The following TTN variants were observed in gnomAD, a reference collection of about 807,000 sequenced individuals.
TTN encodes the protein connectin.
Under a neutral mutation model 3,223.0 loss-of-function variants are expected in TTN, and 1,525 were observed. That is an observed-to-expected ratio of 0.47 (90% CI 0.45 to 0.49). TTN has a LOEUF of 0.49. Among genes scored for constraint, TTN ranks in the 20% least tolerant of loss-of-function variants. The pLI, the probability that TTN is intolerant of heterozygous loss-of-function variation, is 0.00. For missense variants in TTN, 40,786 were observed against 43,424.0 expected (o/e 0.94, Z 5.40); for synonymous variants, 14,094 against 15,161.0 (o/e 0.93, Z 5.17).
chr2:178,783,096 C>A (rs60305852), intron 17 of TTN, 32 bp from the exon 18 acceptor site: 1 of 1,606,548 alleles, frequency 6.2e-7, no homozygotes, highest in South Asian at 1.1e-5. Context: ...AATAATGATA[C>A]GTGTGCATAT....
intron 43 of TTN, among the ~76,000 whole-genome samples, chr2:178,760,460 G>T (rs2088783493): frequency 6.6e-6 from 1 of 152,256 alleles, no homozygotes; most frequent in South Asian, 2.1e-4. Context: ...AACCCGGGAG[G>T]GGGAGGTTGC....
Position 178,542,853 on chromosome 2 carries a change from G to C in TTN, c.97001C>G (p.Pro32334Arg), listed in dbSNP as rs748395939. 7 of 1,613,816 alleles carry C rather than the reference G, an allele frequency of 4.3e-6. No homozygotes were observed. The highest frequency in any genetic ancestry group is 5.9e-6 in the Non-Finnish European group (7 of 1,179,784). ...VELVIPIAGR[P>R]PPAASWFFAG... ...AAAGAACCAGGAAGCAGCAGGAGGT[G>C]GACGGCCAGCAATAGGTATCACCAG... is the stretch of plus-strand genomic sequence containing the variant. Residue 32334 changes from proline (P) to arginine (R), a missense_variant, in exon 348 of 363, where the codon CCA becomes CGA. By Grantham distance (103) the Pro-to-Arg change is moderately radical. Transcript: ENST00000589042.
intron 287 of TTN, 42 bp from the exon 288 acceptor site, chr2:178,601,213 T>A (rs1009176972): frequency 1.3e-6 from 2 of 1,519,022 alleles, no homozygotes; most frequent in African/African-American, 2.8e-5. Context: ...TTGTTTATAA[T>A]AATATACTTC....
intron 44 of TTN, chr2:178,758,689 C>T (rs569911414): frequency 6.1e-5 from 25 of 411,932 alleles, no homozygotes; most frequent in African/African-American, 2.6e-4. Context: ...CAGCATATTT[C>T]GCCCCCTTCT....
Position 178,569,083 on chromosome 2 carries a change from A to C in TTN, c.77049T>G (p.Ile25683Met), listed in dbSNP as rs755225678. 2.5e-6 allele frequency: 4 copies of C among 1,613,318 alleles called. No individual in the cohort carries two copies. Among genetic ancestry groups the C allele is most frequent in the Non-Finnish European group, 3.4e-6 (4 of 1,179,568 alleles). The change falls in exon 326 of 363, where the codon ATT becomes ATG. Residue 25683 changes from isoleucine (I) to methionine (M), a missense_variant. Coordinates refer to ENST00000589042, the MANE Select transcript of TTN (RefSeq NM_001267550.2). ...GATCAGCAGTCTGGGCAGGAAGGCC[A>C]ATACCATACTCATTCTCAGCTGTGA... The part of the protein sequence containing the change: ...FRVTAENEYG[I>M]GLPAQTADPI...
chr2:178,761,342 T>G (rs1400716209), intron 43 of TTN, among the ~76,000 whole-genome samples: 2 of 152,126 alleles, frequency 1.3e-5, no homozygotes, highest in African/African-American at 4.8e-5. Flanking sequence ...AATCCTGCAG[T>G]GTCTCCTAAA....
chr2:178,587,234 T>A lies in TTN; in HGVS notation c.63977A>T (p.His21326Leu). ...VTPEVKKTSF[H>L]VTNLVPGNEY... ...ATTCCCAGGGACAAGATTGGTTACATGGAAGCTTGTTTTCTTAACTTCTGG... is the reference window on the plus strand; with the variant it reads ...ATTCCCAGGGACAAGATTGGTTACAAGGAAGCTTGTTTTCTTAACTTCTGG... Residue 21326 changes from histidine to leucine, a missense_variant, in exon 307 of 363, where the codon CAT (histidine) becomes CTT (leucine). Coordinates refer to ENST00000589042, the MANE Select transcript of TTN (RefSeq NM_001267550.2). 1 of 1,613,224 alleles carries A rather than the reference T, an allele frequency of 6.2e-7. No homozygotes were observed. The highest frequency in any genetic ancestry group is 8.5e-7 in the Non-Finnish European group (1 of 1,179,454).
At position 178,794,843 on chromosome 2, in the gene TTN, A is replaced by T. The variant is rs1574925701; in HGVS notation, c.1245+79T>A. On this transcript the variant is annotated intron_variant, in intron 7 of 362. Transcript: ENST00000589042. ...TATGCATTTTTCCTCCAATTTATAC[A>T]GACTGAGTTTCATGGCAGAAATCCA... 3.9e-6 allele frequency: 6 copies of T among 1,555,336 alleles called. No homozygotes were observed. In the East Asian group the frequency reaches 1.3e-4, roughly 35 times the overall value.
intron 239 of TTN, among the ~76,000 whole-genome samples, chr2:178,629,889 G>C (rs561167737): frequency 6.6e-6 from 1 of 152,186 alleles, no homozygotes; most frequent in Admixed American, 6.5e-5. Flanking sequence ...ACACAGCAAA[G>C]CTTGTCTTTC....
In TTN at chr2:178,664,483, C is replaced by T. The variant is rs1466484295; in HGVS notation, c.36257G>A (p.Arg12086Lys). The change falls in exon 168 of 363, where the codon AGG (arginine) becomes AAG (lysine). Residue 12086 changes from arginine (R) to lysine (K), a missense_variant. Transcript: ENST00000589042. The stretch of plus-strand genomic sequence containing the variant: ...ACCTTTGACAGGTACAACTTCAGCC[C>T]TTTGGGGAGGATGCACTTTCTTTTC... Reference protein sequence around the residue: ...VPEKKVHPPQRAEVVPVKVHE... With the variant: ...VPEKKVHPPQKAEVVPVKVHE... 2 of 1,612,170 alleles carry T rather than the reference C, an allele frequency of 1.2e-6. No individual in the cohort carries two copies. The highest frequency in any genetic ancestry group is 1.7e-6 in the Non-Finnish European group (2 of 1,179,484).
At chr2:178,601,601 T>C (rs750323157) in intron 286 of TTN, 37 bp from the exon 287 acceptor site, 10 of 1,586,502 alleles carry the variant, frequency 6.3e-6, no homozygotes, top group Non-Finnish European at 2.6e-6. Flanking sequence ...CAACGTTCCT[T>C]AAATGCTTAA....
Position 178,568,178 on chromosome 2 carries a change from T to G in TTN, c.77954A>C (p.Gln25985Pro), listed in dbSNP as rs552211406. 19 of 1,613,514 alleles carry G rather than the reference T, an allele frequency of 1.2e-5. No homozygotes were observed. The South Asian group carries it at 1.6e-4, about 14-fold the overall frequency. ...AGGGCCTGGTTCTTTGTAGGGATATTGAGCTACAATTGGATCAGACTCTAA... is the reference window on the plus strand; with the variant it reads ...AGGGCCTGGTTCTTTGTAGGGATATGGAGCTACAATTGGATCAGACTCTAA... ...FALESDPIVA[Q>P]YPYKEPGPPG... Residue 25985 changes from glutamine to proline, a missense_variant, in exon 326 of 363, where the codon CAA (glutamine) becomes CCA (proline). Physicochemically the swap from Gln to Pro is moderately conservative, Grantham distance 76 (BLOSUM62 -1). Transcript: ENST00000589042.
In TTN at chr2:178,560,116, C is replaced by T. The variant is rs1553562022; in HGVS notation, c.86016G>A (p.Trp28672Ter). ...DSGKTTITIA[W>*]VKPLFDGGAP... ...CCCCACCATCAAACAGCGGCTTAAC[C>T]CAGGCAATAGTTATAGTTGTCTTGC... Residue 28672 changes from tryptophan to a stop codon, truncating the protein, a stop_gained, in exon 326 of 363, where the codon TGG (tryptophan) becomes TGA (stop). Transcript: ENST00000589042. LOFTEE classifies it high-confidence loss of function. 1.2e-6 allele frequency: 2 copies of T among 1,613,612 alleles called. No homozygotes were observed. The highest frequency in any genetic ancestry group is 1.7e-6 in the Non-Finnish European group (2 of 1,179,756).
At position 178,728,101 on chromosome 2, in the gene TTN, A is replaced by G; in HGVS notation, c.19714+9T>C. On this transcript the variant is annotated intron_variant, in intron 67 of 362. Transcript: ENST00000589042. The stretch of plus-strand genomic sequence containing the variant: ...AGGAAGAATCAAGAAGAGGTAAAGA[A>G]ATTCTAACCTTTCACAGTTAAGATG... The G allele has an allele frequency of 1.3e-6, 2 of 1,543,804 alleles. No homozygotes were observed. Among genetic ancestry groups the G allele is most frequent in the Non-Finnish European group, 1.7e-6 (2 of 1,147,616 alleles).
intron 69 of TTN, 52 bp from the exon 70 acceptor site, chr2:178,726,098 G>A: frequency 6.7e-7 from 1 of 1,485,130 alleles, no homozygotes; most frequent in South Asian, 1.5e-5. Flanking sequence ...TTCACAAAAT[G>A]AAAATTTTTT....
chr2:178,765,220 T>C (rs2090157162), intron 41 of TTN, among the ~76,000 whole-genome samples: 3 of 152,186 alleles, frequency 2.0e-5, no homozygotes, highest in East Asian at 1.9e-4. Flanking sequence ...TCCAGTTTGT[T>C]TGTTTTGCAA....
Position 178,674,352 on chromosome 2 carries a change from G to A in TTN, c.34670C>T (p.Pro11557Leu), listed in dbSNP as rs887706962. ...ISEEEIPEEP[P>L]SIEEVEEVAP... The stretch of plus-strand genomic sequence containing the variant: ...CACCTCTTCAACTTCCTCTATGCTA[G>A]GTGGTTCTTCTGGGATTTCTTCTTC... Residue 11557 changes from proline to leucine, a missense_variant, in exon 151 of 363, where the codon CCT (proline) becomes CTT (leucine). Physicochemically the swap from Pro to Leu is moderately conservative, Grantham distance 98. Transcript: ENST00000589042. 10 of 1,599,078 alleles carry A rather than the reference G, an allele frequency of 6.3e-6. No individual in the cohort carries two copies. The Admixed American group carries it at 1.4e-4, about 22-fold the overall frequency.
In TTN at chr2:178,692,057, G is replaced by A. The variant is rs767088271; in HGVS notation, c.31721C>T (p.Pro10574Leu). The A allele has an allele frequency of 1.2e-6, 2 of 1,613,168 alleles. No individual in the cohort carries two copies. The highest frequency in any genetic ancestry group is 2.7e-5 in the African/African-American group (2 of 74,872). The change falls in exon 121 of 363, where the codon CCA (proline) becomes CTA (leucine). Residue 10574 changes from proline to leucine, a missense_variant. Pro to Leu is a moderately conservative substitution (Grantham distance 98, BLOSUM62 -3). Coordinates refer to ENST00000589042, the MANE Select transcript of TTN (RefSeq NM_001267550.2). Reference sequence around the variant, plus strand: ...AGGTTCCTTCTTAGGCACAGGAACTGGCTTTTTCTCCTCTGGCACGGGTTT... The same window carrying A: ...AGGTTCCTTCTTAGGCACAGGAACTAGCTTTTTCTCCTCTGGCACGGGTTT... ...PKKPVPEEKK[P>L]VPVPKKEPAA...
intron 257 of TTN, 109 bp from the exon 258 acceptor site, chr2:178,615,897 G>A: frequency 8.3e-7 from 1 of 1,202,390 alleles, no homozygotes; most frequent in Non-Finnish European, 1.1e-6. Context: ...TTGAATGCTA[G>A]GGATTATTCT....
Sources: gnomAD v4.1 joint callset for allele counts (sites outside exome capture counted in the v4.1 genomes callset) on GRCh38, gnomAD v4.1.1 for gene constraint, MANE v1.5 for transcripts, NCBI Gene and HGNC (gene_info 2026-07-23, HGNC 2026-07-21) for gene names.